Variants in CLSTN1 observed in about 807,000 individuals in gnomAD.
CLSTN1 encodes calsyntenin-1.
A neutral mutation model predicts 108.3 loss-of-function variants in CLSTN1; 28 were observed. The observed-to-expected ratio is 0.26, with a 90% confidence interval of 0.19 to 0.35. The LOEUF (loss-of-function observed/expected upper bound fraction) is 0.35. Ranked by LOEUF, CLSTN1 falls within the 10% of genes least tolerant of loss-of-function variation. The pLI, the probability that CLSTN1 is intolerant of heterozygous loss-of-function variation, is 1.00. For missense variants in CLSTN1, 1,157 were observed against 1,302.6 expected (o/e 0.89, Z 1.72); for synonymous variants, 524 against 534.9 (o/e 0.98, Z 0.28).
intron 1 of CLSTN1, among the ~76,000 whole-genome samples, chr1:9,801,819 G>C (rs1369889602): frequency 1.3e-5 from 2 of 152,080 alleles, no homozygotes; most frequent in Middle Eastern, 3.2e-3. Context: ...GCTTCCCAAA[G>C]TGCTGGGATT....
intron 1 of CLSTN1, among the ~76,000 whole-genome samples, chr1:9,807,668 C>A (rs1654563511): frequency 6.6e-6 from 1 of 152,232 alleles, no homozygotes. Context: ...GAGGCAGGGC[C>A]TGCAGAGGCG....
At chr1:9,806,809 G>A (rs1257918867) in intron 1 of CLSTN1, among the ~76,000 whole-genome samples, 3 of 152,084 alleles carry the variant, frequency 2.0e-5, no homozygotes, top group Non-Finnish European at 2.9e-5. Flanking sequence ...AACCCAGGAG[G>A]TGGAGCTTGC....
chr1:9,750,403 C>G (rs1489355601), intron 5 of CLSTN1, among the ~76,000 whole-genome samples: 1 of 152,110 alleles, frequency 6.6e-6, no homozygotes. Context: ...AGATTCTAGA[C>G]CGTGCATTGA....
At chr1:9,798,901 G>A (rs949040426) in intron 1 of CLSTN1, among the ~76,000 whole-genome samples, 2 of 152,196 alleles carry the variant, frequency 1.3e-5, no homozygotes, top group Non-Finnish European at 2.9e-5. Context: ...GAGACAGGCT[G>A]CGTGTGATGG....
chr1:9,750,312 T>C (rs979281467), intron 5 of CLSTN1: 5 of 183,594 alleles, frequency 2.7e-5, no homozygotes, highest in Non-Finnish European at 5.8e-5. Flanking sequence ...TACCCCCACC[T>C]GCTTAGAACA....
chr1:9,753,525 C>A (rs1651659339), intron 4 of CLSTN1, among the ~76,000 whole-genome samples: 1 of 148,928 alleles, frequency 6.7e-6, no homozygotes, highest in South Asian at 2.2e-4. Context: ...GAGTTTCATT[C>A]TTTTTGCCCA....
intron 2 of CLSTN1, among the ~76,000 whole-genome samples, chr1:9,768,077 G>A (rs529587232): frequency 1.3e-5 from 2 of 152,246 alleles, no homozygotes; most frequent in South Asian, 4.1e-4. Flanking sequence ...ATTTGCCTAA[G>A]GCCACACAGC....
chr1:9,814,636 A>G (rs1427554979), intron 1 of CLSTN1, among the ~76,000 whole-genome samples: 3 of 152,378 alleles, frequency 2.0e-5, no homozygotes, highest in Admixed American at 6.5e-5. Context: ...TCAGCTGGAC[A>G]TGGTGGCTCA....
chr1:9,780,566 G>A (rs1306096862), intron 1 of CLSTN1, among the ~76,000 whole-genome samples: 2 of 152,218 alleles, frequency 1.3e-5, no homozygotes, highest in Non-Finnish European at 2.9e-5. Context: ...GCTGGCAGTA[G>A]AATGAGATCT....
At chr1:9,817,472 C>T (rs1252138632) in intron 1 of CLSTN1, among the ~76,000 whole-genome samples, 3 of 152,056 alleles carry the variant, frequency 2.0e-5, no homozygotes, top group African/African-American at 7.2e-5. Flanking sequence ...GGATTACAGG[C>T]ATGCGCCACC....
In CLSTN1 at chr1:9,747,079, C is replaced by T. The variant is rs147433669; in HGVS notation, c.985+2382G>A. On this transcript the variant is annotated intron_variant, in intron 7 of 18. Coordinates refer to ENST00000377298, the MANE Select transcript of CLSTN1 (RefSeq NM_001009566.3). ...CCTGTAATCCCAGCTACTTGGGAGG[C>T]CGAGGCAGGAGAATCGCTTGAACCC... Among the ~76,000 whole-genome samples, 64 of 150,018 alleles carry T rather than the reference C, an allele frequency of 4.3e-4. No homozygotes were observed. The East Asian group carries it at 0.011, about 26-fold the overall frequency.
intron 7 of CLSTN1, among the ~76,000 whole-genome samples, chr1:9,744,938 G>A (rs904630684): frequency 5.9e-5 from 9 of 152,178 alleles, no homozygotes; most frequent in Admixed American, 2.0e-4. Flanking sequence ...ATTTTCAGGA[G>A]AGCCGGAGTT....
In CLSTN1 at chr1:9,745,145, C is replaced by T. The variant is rs529834601; in HGVS notation, c.986-502G>A. Among the ~76,000 whole-genome samples the T allele has an allele frequency of 8.1e-4, 121 of 149,424 alleles. 1 individual carries two copies. In the Middle Eastern group the frequency reaches 0.027, roughly 34 times the overall value. ...TGTTTAAGGAAGGGAAAGGGCCAGG[C>T]GTGAACCCGGGAAGCGGAGCTTGCA... On this transcript the variant is annotated intron_variant, in intron 7 of 18. Coordinates refer to ENST00000377298, the MANE Select transcript of CLSTN1 (RefSeq NM_001009566.3).
chr1:9,756,463 G>A lies in CLSTN1; in HGVS notation c.244+18C>T. ...TGGGTTAATATTCATAAGAGGGGAA[G>A]AAAGAACCCTTTATCACCTTCTTTG... On this transcript the variant is annotated intron_variant, in intron 3 of 18. Transcript: ENST00000377298. 6.2e-7 allele frequency: 1 copy of A among 1,608,486 alleles called. No individual in the cohort carries two copies. The highest frequency in any genetic ancestry group is 8.5e-7 in the Non-Finnish European group (1 of 1,175,238).
intron 1 of CLSTN1, among the ~76,000 whole-genome samples, chr1:9,776,405 C>T (rs1652943946): frequency 6.6e-6 from 1 of 152,012 alleles, no homozygotes; most frequent in Non-Finnish European, 1.5e-5. Flanking sequence ...TATAAAATTT[C>T]GGTTTTGTGA....
At chr1:9,797,898 A>G (rs1329980846) in intron 1 of CLSTN1, among the ~76,000 whole-genome samples, 3 of 151,920 alleles carry the variant, frequency 2.0e-5, no homozygotes, top group Admixed American at 1.3e-4. Flanking sequence ...GTTCGAGGCC[A>G]GCCTGGCCAA....
At chr1:9,768,894 A>AG (rs1223860826) in intron 2 of CLSTN1, among the ~76,000 whole-genome samples, 1 of 118,892 alleles carries the variant, frequency 8.4e-6, no homozygotes, top group Non-Finnish European at 1.7e-5. Context: ...AGAGGGAGGG[A>AG]GGGAGGAAGC....
At chr1:9,795,128 T>C (rs935983270) in intron 1 of CLSTN1, among the ~76,000 whole-genome samples, 1 of 151,294 alleles carries the variant, frequency 6.6e-6, no homozygotes, top group Non-Finnish European at 1.5e-5. Context: ...GTAATGCTTT[T>C]ACATAGAATT....
In CLSTN1 at chr1:9,731,345, A is replaced by C; in HGVS notation, c.2609T>G (p.Phe870Cys). Reference sequence around the variant, plus strand: ...CCCCAGGATAATCATGAACACCAGGAAGCTGACGCACACCACGATCACAAC... The same window carrying C: ...CCCCAGGATAATCATGAACACCAGGCAGCTGACGCACACCACGATCACAAC... ...ATVVIVVCVSFLVFMIILGVF... is the reference protein window; with the variant it reads ...ATVVIVVCVSCLVFMIILGVF... Residue 870 changes from phenylalanine (F) to cysteine (C), a missense_variant, in exon 18 of 19, where the codon TTC (phenylalanine) becomes TGC (cysteine). Transcript: ENST00000377298. 1 of 1,614,270 alleles carries C rather than the reference A, an allele frequency of 6.2e-7. No individual in the cohort carries two copies. The highest frequency in any genetic ancestry group is 8.5e-7 in the Non-Finnish European group (1 of 1,180,054).
Sources: gnomAD v4.1 joint callset for allele counts (sites outside exome capture counted in the v4.1 genomes callset) on GRCh38, gnomAD v4.1.1 for gene constraint, MANE v1.5 for transcripts, NCBI Gene and HGNC (gene_info 2026-07-23, HGNC 2026-07-21) for gene names.